FAT3: variants seen among roughly 807,000 people sequenced by gnomAD.
FAT3 encodes the protein FAT atypical cadherin 3.
Under a neutral mutation model 310.2 loss-of-function variants are expected in FAT3, and 95 were observed. The ratio of observed to expected loss-of-function variants is 0.31; its 90% CI spans 0.26 to 0.36. The LOEUF (loss-of-function observed/expected upper bound fraction) is 0.36. Among genes scored for constraint, FAT3 ranks in the 10% least tolerant of loss-of-function variants. The probability of loss-of-function intolerance (pLI) is 1.00; values close to 1 mark genes in which losing one functional copy is unlikely to be tolerated. For synonymous variants in FAT3, 2,314 were observed against 2,192.9 expected (o/e 1.06, Z -1.54); for missense variants, 5,408 against 5,715.6 (o/e 0.95, Z 1.74).
chr11:92,281,739 C>T (rs1946428358), intron 1 of FAT3, among the ~76,000 whole-genome samples: 1 of 152,128 alleles, frequency 6.6e-6, no homozygotes, highest in African/African-American at 2.4e-5. Context: ...CCTAATCGCT[C>T]ACTGGTCCAC....
In FAT3 at chr11:92,798,700, C is replaced by G; in HGVS notation, c.5687C>G (p.Thr1896Ser). The G allele has an allele frequency of 6.2e-7, 1 of 1,613,786 alleles. No homozygotes were observed. Residue 1896 changes from threonine to serine, a missense_variant, in exon 10 of 28, where the codon ACC (threonine) becomes AGC (serine). Transcript: ENST00000525166. ...AVFETILLLP[T>S]YVGVEVLKVS... ...TTTGAGACTATCTTACTTCTACCTA[C>G]CTATGTTGGAGTGGAGGTTCTGAAA...
chr11:92,819,248 A>T (rs1033864317), intron 13 of FAT3, among the ~76,000 whole-genome samples: 4 of 152,202 alleles, frequency 2.6e-5, no homozygotes, highest in African/African-American at 9.7e-5. Flanking sequence ...GTGGTACTCA[A>T]AAAGTCTGGA....
chr11:92,613,160 A>T (rs1940647131), intron 3 of FAT3, among the ~76,000 whole-genome samples: 1 of 152,130 alleles, frequency 6.6e-6, no homozygotes, highest in African/African-American at 2.4e-5. Context: ...CAGCTTTTTC[A>T]TTCTGTCCAT....
chr11:92,855,482 C>T (rs1462067690), intron 19 of FAT3, among the ~76,000 whole-genome samples: 2 of 152,196 alleles, frequency 1.3e-5, no homozygotes. Flanking sequence ...GGCATCATAT[C>T]CTTTCATCTT....
intron 3 of FAT3, among the ~76,000 whole-genome samples, chr11:92,691,967 A>G (rs1477236293): frequency 6.6e-6 from 1 of 152,240 alleles, no homozygotes; most frequent in East Asian, 1.9e-4. Context: ...GCACATATTC[A>G]GTACTCAATA....
intron 4 of FAT3, among the ~76,000 whole-genome samples, chr11:92,758,850 G>C (rs1352635554): frequency 2.6e-5 from 4 of 152,114 alleles, no homozygotes; most frequent in Non-Finnish European, 2.9e-5. Flanking sequence ...TTAGACAGAG[G>C]GATGCCTAGG....
At chr11:92,428,935 G>T in intron 2 of FAT3, among the ~76,000 whole-genome samples, 1 of 152,178 alleles carries the variant, frequency 6.6e-6, no homozygotes, top group South Asian at 2.1e-4. Flanking sequence ...GAATATCCTT[G>T]TTAATTTTCT....
intron 2 of FAT3, among the ~76,000 whole-genome samples, chr11:92,482,256 C>A (rs983581568): frequency 2.6e-5 from 4 of 152,032 alleles, no homozygotes; most frequent in African/African-American, 7.2e-5. Context: ...TAGTCTTTTT[C>A]ACTTATGAGA....
intron 2 of FAT3, among the ~76,000 whole-genome samples, chr11:92,357,759 A>C (rs1158261264): frequency 6.6e-6 from 1 of 152,036 alleles, no homozygotes; most frequent in African/African-American, 2.4e-5. Flanking sequence ...ATTTGGTATT[A>C]GTGGCCTAGA....
intron 2 of FAT3, among the ~76,000 whole-genome samples, chr11:92,493,762 G>A (rs1205612186): frequency 1.3e-5 from 2 of 152,060 alleles, no homozygotes; most frequent in Non-Finnish European, 2.9e-5. Flanking sequence ...AAGCAAAAGG[G>A]ACTAACAGAC....
chr11:92,366,617 C>T (rs143229130), intron 2 of FAT3: 1 of 531,434 alleles, frequency 1.9e-6, no homozygotes, highest in Admixed American at 1.9e-5. Flanking sequence ...TGGGAATAAC[C>T]AGTTGACAGG....
At position 92,489,170 on chromosome 11, in the gene FAT3, A is replaced by G. The variant is rs1044918482; in HGVS notation, c.3293-35464A>G. 2.6e-4 allele frequency among the ~76,000 whole-genome samples: 40 copies of G among 152,144 alleles called. 2 individuals carry two copies. Among genetic ancestry groups the G allele is most frequent in the Non-Finnish European group, 1.5e-5 (1 of 68,020 alleles). On this transcript the variant is annotated intron_variant, in intron 2 of 27. Coordinates refer to ENST00000525166, the MANE Select transcript of FAT3 (RefSeq NM_001367949.2). ...TCTGCATTTGTTAATGTGAATGCTTATCTCACTTTCTAGATGATAAATTCC... is the reference window on the plus strand; with the variant it reads ...TCTGCATTTGTTAATGTGAATGCTTGTCTCACTTTCTAGATGATAAATTCC...
intron 26 of FAT3, 135 bp from the exon 27 acceptor site, chr11:92,889,720 AT>A (rs1949873823): frequency 1.6e-6 from 1 of 630,800 alleles, no homozygotes; most frequent in Non-Finnish European, 2.9e-6. Context: ...ATGGGAAGAA[AT>A]AAAAAAGGCT....
At chr11:92,446,548 TA>T (rs544247562) in intron 2 of FAT3, among the ~76,000 whole-genome samples, 202 of 143,616 alleles carry the variant, frequency 1.4e-3, no homozygotes, top group East Asian at 1.0e-3. Flanking sequence ...AGCTTCTCAA[TA>T]AAAAAAAAAA....
chr11:92,275,131 C>T (rs1202071645), intron 1 of FAT3, among the ~76,000 whole-genome samples: 1 of 152,048 alleles, frequency 6.6e-6, no homozygotes, highest in African/African-American at 2.4e-5. Flanking sequence ...TCCCAGGTAC[C>T]ACACTGAAAG....
chr11:92,600,564 A>T (rs915856277), intron 3 of FAT3, among the ~76,000 whole-genome samples: 1 of 152,214 alleles, frequency 6.6e-6, no homozygotes, highest in Non-Finnish European at 1.5e-5. Context: ...ACATTAACTC[A>T]TTTATTCATT....
intron 1 of FAT3, among the ~76,000 whole-genome samples, chr11:92,304,729 C>T (rs975771531): frequency 6.6e-6 from 1 of 151,990 alleles, no homozygotes; most frequent in Non-Finnish European, 1.5e-5. Flanking sequence ...CCTGCATTGA[C>T]CTGGAGGAGG....
In FAT3 at chr11:92,604,157, C is replaced by T. The variant is rs537050115; in HGVS notation, c.3607+79209C>T. Among the ~76,000 whole-genome samples, 23 of 152,208 alleles carry T rather than the reference C, an allele frequency of 1.5e-4. 1 individual carries two copies. Among genetic ancestry groups the T allele is most frequent in the Non-Finnish European group, 1.5e-5 (1 of 68,024 alleles). On this transcript the variant is annotated intron_variant, in intron 3 of 27. Coordinates refer to ENST00000525166, the MANE Select transcript of FAT3 (RefSeq NM_001367949.2). ...CTATGCTAATTAGTTTTCTGTATTA[C>T]CAAACAGGAGGGAACTTCTTGAAAG... is the stretch of plus-strand genomic sequence containing the variant.
intron 14 of FAT3, among the ~76,000 whole-genome samples, 168 bp from the exon 15 acceptor site, chr11:92,834,702 A>G (rs1045249323): frequency 2.0e-5 from 3 of 152,246 alleles, no homozygotes; most frequent in Non-Finnish European, 4.4e-5. Context: ...TCTCACTGAC[A>G]GCATTAATCA....
Sources: allele counts gnomAD v4.1 joint callset (sites outside exome capture counted in the v4.1 genomes callset), GRCh38; gene constraint gnomAD v4.1.1; transcripts MANE v1.5; gene names NCBI Gene and HGNC (gene_info 2026-07-23, HGNC 2026-07-21).